Variants in EMILIN3 observed in about 807,000 individuals in gnomAD.
The protein encoded by EMILIN3 is EMILIN-3.
In EMILIN3, 38 loss-of-function variants were observed where a neutral mutation model predicts 42.8. That is an observed-to-expected ratio of 0.89 (90% confidence interval 0.69 to 1.16). The LOEUF is 1.16. Among genes scored for constraint, EMILIN3 ranks in the 50% most tolerant of loss-of-function variants. The pLI, the probability that EMILIN3 is intolerant of heterozygous loss-of-function variation, is 0.00. For missense variants in EMILIN3, 924 were observed against 999.5 expected (o/e 0.92, Z 1.02); for synonymous variants, 430 against 440.5 (o/e 0.98, Z 0.30).
chr20:41,365,897 G>A lies in EMILIN3; in HGVS notation c.167+571C>T, dbSNP rs527840310. Among the ~76,000 whole-genome samples the A allele has an allele frequency of 3.3e-4, 51 of 152,330 alleles. 1 individual carries two copies. In the South Asian group the frequency reaches 0.01, roughly 31 times the overall value. ...ACAAGGGCTGAGGAGGTGGCTGCCT[G>A]GCATAAGCCGACCGCTGTGGACGGC... On this transcript the variant is annotated intron_variant, in intron 1 of 3. Coordinates refer to ENST00000332312, the MANE Select transcript of EMILIN3 (RefSeq NM_052846.2).
Position 41,365,042 on chromosome 20 carries a change from T to TC in EMILIN3, c.282dup (p.Thr95AspfsTer37). 1 of 1,613,218 alleles carries TC rather than the reference T, an allele frequency of 6.2e-7. No individual in the cohort carries two copies. The highest frequency in any genetic ancestry group is 8.5e-7 in the Non-Finnish European group (1 of 1,179,654). On this transcript the variant is annotated frameshift_variant, in exon 2 of 4. Coordinates refer to ENST00000332312, the MANE Select transcript of EMILIN3 (RefSeq NM_052846.2). LOFTEE classifies it high-confidence loss of function. ...GGTGAGGAGTGCACTTACGTGACTGTCCCGGGGCACTTGGGCCCCCATCTA... is the reference window on the plus strand; with the variant it reads ...GGTGAGGAGTGCACTTACGTGACTGTCCCCGGGGCACTTGGGCCCCCATCTA...
intron 2 of EMILIN3, among the ~76,000 whole-genome samples, chr20:41,364,586 TC>T: frequency 1.3e-5 from 2 of 152,272 alleles, no homozygotes; most frequent in Admixed American, 1.3e-4. Context: ...GCCCTGCTGC[TC>T]CGGCTTCCTC....
chr20:41,364,761 A>G (rs1027073993), intron 2 of EMILIN3, among the ~76,000 whole-genome samples: 2 of 152,146 alleles, frequency 1.3e-5, no homozygotes, highest in Non-Finnish European at 2.9e-5. Flanking sequence ...CTCTGCCCCC[A>G]GAACCTTCCC....
Position 41,366,488 on chromosome 20 carries a change from C to T in EMILIN3, c.147G>A (p.Arg49=). ...YSLYTTGWRP[R]LRPGPHKALC... ...CTTACTTGTGCGGCCCCGGGCGCAG[C>T]CGCGGGCGCCATCCCGTCGTGTAGA... Residue 49 remains arginine, a synonymous_variant, in exon 1 of 4, where the codon CGG becomes CGA. Coordinates refer to ENST00000332312, the MANE Select transcript of EMILIN3 (RefSeq NM_052846.2). This position sits in a 1 kb window ranked among gnomAD's most constrained non-coding sequence, Gnocchi z 4.2. 8.7e-7 allele frequency: 1 copy of T among 1,148,346 alleles called. No individual in the cohort carries two copies. Among genetic ancestry groups the T allele is most frequent in the Non-Finnish European group, 1.1e-6 (1 of 935,406 alleles). 71.1% of individuals were successfully genotyped at this position (1,148,346 alleles called of 1,614,324 possible). A position where few individuals can be genotyped will look rare whatever the true frequency, so the allele number is the denominator to read the frequency against.
Position 41,366,775 on chromosome 20 carries a change from G to A in EMILIN3, c.-141C>T, listed in dbSNP as rs1264968923. The A allele has an allele frequency of 4.3e-6, 2 of 459,820 alleles. No individual in the cohort carries two copies. Among genetic ancestry groups the A allele is most frequent in the African/African-American group, 4.2e-5 (2 of 47,086 alleles). The allele number at this position is 459,820 out of a possible 1,614,324, so 28.5% of individuals were successfully genotyped here. On this transcript the variant is annotated 5_prime_UTR_variant, in exon 1 of 4. Coordinates refer to ENST00000332312, the MANE Select transcript of EMILIN3 (RefSeq NM_052846.2). This position sits in a 1 kb window ranked among gnomAD's most constrained non-coding sequence, Gnocchi z 4.2. ...GTCCCCTTCGGCCCCCGAGCTCGCT[G>A]GCCCGGCCGCCTGGCGCTTCGCGGC...
chr20:41,363,588 T>G, intron 3 of EMILIN3, 50 bp downstream of exon 3: 2 of 1,534,220 alleles, frequency 1.3e-6, no homozygotes, highest in Non-Finnish European at 1.8e-6. Flanking sequence ...CCCCTGCCAC[T>G]GAGCCCAAGA....
chr20:41,366,337 G>C lies in EMILIN3; in HGVS notation c.167+131C>G. The C allele has an allele frequency of 3.1e-6, 2 of 648,030 alleles. No homozygotes were observed. The highest frequency in any genetic ancestry group is 4.0e-6 in the Non-Finnish European group (2 of 503,884). 40.1% of individuals were successfully genotyped at this position (648,030 alleles called of 1,614,324 possible). A position where few individuals can be genotyped will look rare whatever the true frequency, so the allele number is the denominator to read the frequency against. On this transcript the variant is annotated intron_variant, in intron 1 of 3. Coordinates refer to ENST00000332312, the MANE Select transcript of EMILIN3 (RefSeq NM_052846.2). This position sits in a 1 kb window ranked among gnomAD's most constrained non-coding sequence, Gnocchi z 4.2. Reference sequence around the variant, plus strand: ...CCTGGGCAGGGGCTCGGCCCCGGGCGCCGCCCCCTCTGTGCAGCGGCCTCG... The same window carrying C: ...CCTGGGCAGGGGCTCGGCCCCGGGCCCCGCCCCCTCTGTGCAGCGGCCTCG...
At chr20:41,364,943 C>A (rs2046385962) in intron 2 of EMILIN3, 92 bp downstream of exon 2, 2 of 1,567,300 alleles carry the variant, frequency 1.3e-6, no homozygotes, top group Non-Finnish European at 1.7e-6. Flanking sequence ...GTCCAAGAAG[C>A]CCCTTGTGGA....
At position 41,360,846 on chromosome 20, in the gene EMILIN3, G is replaced by T. The variant is rs2046351609; in HGVS notation, c.*422C>A. 9.8e-6 allele frequency: 2 copies of T among 203,868 alleles called. No individual in the cohort carries two copies. The highest frequency in any genetic ancestry group is 2.0e-5 in the Non-Finnish European group (2 of 101,132). The allele number at this position is 203,868 out of a possible 1,614,324, so 12.6% of individuals were successfully genotyped here. On this transcript the variant is annotated 3_prime_UTR_variant, in exon 4 of 4. Coordinates refer to ENST00000332312, the MANE Select transcript of EMILIN3 (RefSeq NM_052846.2). The stretch of plus-strand genomic sequence containing the variant: ...CAGGCCACTGGCTGTGGGCCTGTAG[G>T]TCTCTGCACAGTTGCTGAGGCTGGT...
Position 41,361,719 on chromosome 20 carries a change from G to T in EMILIN3, c.1850C>A (p.Thr617Lys), listed in dbSNP as rs754869098. ...CTTGCGTTCCCGCTCATCCAGGGAC[G>T]TGTTGGCAGCCAAGAAGGCATCAGA... ...QYSDAFLAANTSLDERERKVE... is the reference protein window; with the variant it reads ...QYSDAFLAANKSLDERERKVE... Residue 617 changes from threonine (T) to lysine (K), a missense_variant, in exon 4 of 4, where the codon ACG (threonine) becomes AAG (lysine). By Grantham distance (78) the Thr-to-Lys change is moderately conservative (BLOSUM62 -1). Transcript: ENST00000332312. The T allele has an allele frequency of 6.2e-7, 1 of 1,612,724 alleles. No homozygotes were observed. The highest frequency in any genetic ancestry group is 8.5e-7 in the Non-Finnish European group (1 of 1,179,390).
rs2046393265 is a variant in EMILIN3 at position 41,366,293 on chromosome 20, C to T, written c.167+175G>A. Reference sequence around the variant, plus strand: ...TTTTCCTCGCCAGCCCCGCAACCTCCCGGAGCGTAGGGCGCTCGCCTGGGC... The same window carrying T: ...TTTTCCTCGCCAGCCCCGCAACCTCTCGGAGCGTAGGGCGCTCGCCTGGGC... On this transcript the variant is annotated intron_variant, in intron 1 of 3. Coordinates refer to ENST00000332312, the MANE Select transcript of EMILIN3 (RefSeq NM_052846.2). The surrounding 1 kb of genome is among the most constrained non-coding windows in gnomAD (Gnocchi z 4.2). Among the ~76,000 whole-genome samples the T allele has an allele frequency of 6.6e-6, 1 of 151,782 alleles. No homozygotes were observed. Among genetic ancestry groups the T allele is most frequent in the South Asian group, 2.1e-4 (1 of 4,830 alleles).
chr20:41,363,596 A>G, intron 3 of EMILIN3, 42 bp downstream of exon 3: 1 of 1,553,022 alleles, frequency 6.4e-7, no homozygotes, highest in Non-Finnish European at 8.7e-7. Flanking sequence ...ACTGAGCCCA[A>G]GAAACCCAAT....
rs758876404 is a variant in EMILIN3 at position 41,365,082 on chromosome 20, A to C, written c.243T>G (p.Ala81=). ...LQEGAESYVK[A]EYRQCRWGPK... ...GCCCCCATCTACACTGCCGGTATTC[A>C]GCCTTTACGTAGCTCTCCGCTCCCT... is the stretch of plus-strand genomic sequence containing the variant. Residue 81 remains alanine, a synonymous_variant, in exon 2 of 4, where the codon GCT becomes GCG. Transcript: ENST00000332312. 6.2e-7 allele frequency: 1 copy of C among 1,613,940 alleles called. No homozygotes were observed. The highest frequency in any genetic ancestry group is 8.5e-7 in the Non-Finnish European group (1 of 1,179,950).
Position 41,361,512 on chromosome 20 carries a change from A to G in EMILIN3, c.2057T>C (p.Val686Ala). The change falls in exon 4 of 4, where the codon GTG becomes GCG. Residue 686 changes from valine to alanine, a missense_variant. Physicochemically the swap from Val to Ala is moderately conservative, Grantham distance 64. Transcript: ENST00000332312. ...TGCCACCCGCTGGTCAAAGTGTCCC[A>G]CTGTGTGCTGAAGTTTCTGGGCTGT... ...QDTAQKLQHT[V>A]GHFDQRVAQV... The G allele has an allele frequency of 1.9e-6, 3 of 1,610,560 alleles. No homozygotes were observed. The highest frequency in any genetic ancestry group is 2.5e-6 in the Non-Finnish European group (3 of 1,179,138).
chr20:41,363,045 CCTTTCCTTCCTGGGA>C lies in EMILIN3; in HGVS notation c.515-6_523del. The C allele has an allele frequency of 1.3e-6, 2 of 1,570,634 alleles. No homozygotes were observed. The highest frequency in any genetic ancestry group is 1.7e-6 in the Non-Finnish European group (2 of 1,153,078). ...CAGCCGCTCACCAAACAGCCCTGGG[CCTTTCCTTCCTGGGA>C]AAGAGAAGAGAGCCCCAGGGGCATC... is the stretch of plus-strand genomic sequence containing the variant. On this transcript the variant is annotated splice_acceptor_variant and splice_polypyrimidine_tract_variant and coding_sequence_variant and intron_variant, in exon 4 of 4. Coordinates refer to ENST00000332312, the MANE Select transcript of EMILIN3 (RefSeq NM_052846.2). LOFTEE classifies it high-confidence loss of function.
At position 41,363,026 on chromosome 20, in the gene EMILIN3, C is replaced by T. The variant is rs1738084440; in HGVS notation, c.543G>A (p.Glu181=). The part of the protein sequence containing the change: ...HGRKGPGLFG[E]RLERLEGDVQ... ...CATCACCCTCCAGGCGTTCCAGCCG[C>T]TCACCAAACAGCCCTGGGCCTTTCC... is the stretch of plus-strand genomic sequence containing the variant. The change falls in exon 4 of 4, where the codon GAG becomes GAA. Residue 181 remains glutamate, a synonymous_variant. Transcript: ENST00000332312. The T allele has an allele frequency of 6.3e-7, 1 of 1,599,014 alleles. No individual in the cohort carries two copies. Among genetic ancestry groups the T allele is most frequent in the East Asian group, 2.2e-5 (1 of 44,488 alleles).
In EMILIN3 at chr20:41,361,430, C is replaced by T; in HGVS notation, c.2139G>A (p.Leu713=). Residue 713 remains leucine (L), a synonymous_variant, in exon 4 of 4, where the codon TTG becomes TTA. Coordinates refer to ENST00000332312, the MANE Select transcript of EMILIN3 (RefSeq NM_052846.2). ...LGLLAAGLDS[L]PTEPLRPREG... is the part of the protein sequence containing the mutation. Reference sequence around the variant, plus strand: ...CTCTGGGCCTCAGTGGCTCAGTGGGCAAGCTGTCCAGGCCCGCGGCCAGCA... The same window carrying T: ...CTCTGGGCCTCAGTGGCTCAGTGGGTAAGCTGTCCAGGCCCGCGGCCAGCA... The T allele has an allele frequency of 6.2e-7, 1 of 1,610,018 alleles. No individual in the cohort carries two copies. Among genetic ancestry groups the T allele is most frequent in the South Asian group, 1.1e-5 (1 of 90,576 alleles).
In EMILIN3 at chr20:41,366,738, G is replaced by A; in HGVS notation, c.-104C>T. On this transcript the variant is annotated 5_prime_UTR_variant, in exon 1 of 4. Coordinates refer to ENST00000332312, the MANE Select transcript of EMILIN3 (RefSeq NM_052846.2). This position sits in a 1 kb window ranked among gnomAD's most constrained non-coding sequence, Gnocchi z 4.2. ...CGCTGGTCGGCCCGGGTCCCGCCCC[G>A]AGGGTCCCGGGGTCCCCTTCGGCCC... The A allele has an allele frequency of 5.0e-6, 4 of 797,952 alleles. No homozygotes were observed. Among genetic ancestry groups the A allele is most frequent in the Non-Finnish European group, 6.1e-6 (4 of 660,242 alleles). The allele number at this position is 797,952 out of a possible 1,614,324, so 49.4% of individuals were successfully genotyped here.
At chr20:41,365,885 A>T (rs1417192273) in intron 1 of EMILIN3, among the ~76,000 whole-genome samples, 1 of 152,172 alleles carries the variant, frequency 6.6e-6, no homozygotes, top group Admixed American at 6.5e-5. Context: ...AGGGCTGAGG[A>T]GGTGGCTGCC....
Sources: gnomAD v4.1 joint callset for allele counts (sites outside exome capture counted in the v4.1 genomes callset) on GRCh38, gnomAD v4.1.1 for gene constraint, Gnocchi (gnomAD v3.1) non-coding constraint, MANE v1.5 for transcripts, NCBI Gene and HGNC (gene_info 2026-07-23, HGNC 2026-07-21) for gene names.